Variants in CDK17 observed in about 807,000 individuals in gnomAD.
CDK17 encodes the protein cyclin dependent kinase 17.
CDK17 carries 24 observed loss-of-function variants against 77.6 expected under a neutral mutation model. That is an observed-to-expected ratio of 0.31 (90% CI 0.22 to 0.44). CDK17 has a LOEUF of 0.44. Among genes scored for constraint, CDK17 ranks in the 20% least tolerant of loss-of-function variants. The pLI is 1.00. For synonymous variants in CDK17, 203 were observed against 210.4 expected (o/e 0.96, Z 0.30); for missense variants, 429 against 622.5 (o/e 0.69, Z 3.31).
chr12:96,297,614 A>C lies in CDK17; in HGVS notation c.810+13T>G, dbSNP rs1236452698. On this transcript the variant is annotated intron_variant, in intron 8 of 16. Transcript: ENST00000261211. ...AAGTAAAGTTAAATACTGAATTTTT[A>C]TGAGATGCTTACCAGATACTCAAAC... 4 of 1,471,882 alleles carry C rather than the reference A, an allele frequency of 2.7e-6. No homozygotes were observed. In the East Asian group the frequency reaches 6.8e-5, roughly 25 times the overall value. The allele number at this position is 1,471,882 out of a possible 1,614,324, so 91.2% of individuals were successfully genotyped here. A position where few individuals can be genotyped will look rare whatever the true frequency, so the allele number is the denominator to read the frequency against.
intron 1 of CDK17, among the ~76,000 whole-genome samples, chr12:96,364,029 T>A (rs192368088): frequency 6.6e-6 from 1 of 152,256 alleles, no homozygotes. Flanking sequence ...TGTACTCTTA[T>A]ACACGTAACT....
At chr12:96,291,442 C>A (rs956054899) in intron 10 of CDK17, among the ~76,000 whole-genome samples, 1 of 152,006 alleles carries the variant, frequency 6.6e-6, no homozygotes, top group African/African-American at 2.4e-5. Flanking sequence ...GAGGTGCACA[C>A]CGCCACACCT....
chr12:96,398,020 C>A (rs534375095), intron 1 of CDK17, among the ~76,000 whole-genome samples: 1 of 152,110 alleles, frequency 6.6e-6, no homozygotes, highest in South Asian at 2.1e-4. Context: ...ATTAAACAGG[C>A]TTTGCTTTTA....
chr12:96,316,236 C>T (rs535666501), intron 3 of CDK17, among the ~76,000 whole-genome samples: 49 of 152,286 alleles, frequency 3.2e-4, no homozygotes, highest in Admixed American at 1.8e-3. Flanking sequence ...CCGAATATTG[C>T]GCTTGTCAGA....
At chr12:96,394,442 A>G (rs1954131777) in intron 1 of CDK17, among the ~76,000 whole-genome samples, 1 of 152,218 alleles carries the variant, frequency 6.6e-6, no homozygotes, top group African/African-American at 2.4e-5. Context: ...TTGTTTACAA[A>G]CATGTACACA....
At chr12:96,349,191 C>T (rs531410332) in intron 1 of CDK17, among the ~76,000 whole-genome samples, 4 of 152,300 alleles carry the variant, frequency 2.6e-5, no homozygotes, top group Non-Finnish European at 5.9e-5. Flanking sequence ...CAGTGGCTCA[C>T]GCCCATAATC....
intron 1 of CDK17, among the ~76,000 whole-genome samples, chr12:96,375,379 T>C (rs1391024261): frequency 6.6e-6 from 1 of 151,982 alleles, no homozygotes; most frequent in African/African-American, 2.4e-5. Flanking sequence ...CAGCCACACA[T>C]ACACACACAC....
At chr12:96,299,573 T>C (rs1374981412) in intron 6 of CDK17, among the ~76,000 whole-genome samples, 1 of 152,040 alleles carries the variant, frequency 6.6e-6, no homozygotes, top group East Asian at 1.9e-4. Flanking sequence ...GTGTTTTCAG[T>C]ACAGACGGGG....
intron 1 of CDK17, among the ~76,000 whole-genome samples, chr12:96,343,706 G>C (rs1953157469): frequency 6.6e-6 from 1 of 152,178 alleles, no homozygotes; most frequent in Non-Finnish European, 1.5e-5. Context: ...AGTCACAAAG[G>C]GATGACAACA....
chr12:96,283,667 T>A, intron 13 of CDK17, 22 bp from the exon 14 acceptor site: 1 of 1,532,328 alleles, frequency 6.5e-7, no homozygotes, highest in Non-Finnish European at 9.0e-7. Context: ...AAAGAACAAG[T>A]AAAAATTTAT....
At chr12:96,377,111 G>A (rs956137371) in intron 1 of CDK17, among the ~76,000 whole-genome samples, 2 of 151,994 alleles carry the variant, frequency 1.3e-5, no homozygotes, top group Non-Finnish European at 2.9e-5. Context: ...GAAAGCAAGG[G>A]GTAAGCATTT....
chr12:96,325,665 C>A (rs1179237570), intron 2 of CDK17, among the ~76,000 whole-genome samples: 1 of 152,204 alleles, frequency 6.6e-6, no homozygotes, highest in African/African-American at 2.4e-5. Context: ...GGGCAAATGC[C>A]TACCTAGTAA....
At chr12:96,359,044 A>C (rs1429769657) in intron 1 of CDK17, among the ~76,000 whole-genome samples, 3 of 150,786 alleles carry the variant, frequency 2.0e-5, no homozygotes, top group Non-Finnish European at 4.4e-5. Flanking sequence ...ATTTGATGTC[A>C]TCGGGTATGA....
chr12:96,315,059 A>C (rs1399235095), intron 3 of CDK17, among the ~76,000 whole-genome samples: 1 of 152,242 alleles, frequency 6.6e-6, no homozygotes, highest in Non-Finnish European at 1.5e-5. Flanking sequence ...GAAGGTGCTT[A>C]ACAAGTATTC....
At chr12:96,373,488 G>C (rs775890591) in intron 1 of CDK17, among the ~76,000 whole-genome samples, 8 of 152,162 alleles carry the variant, frequency 5.3e-5, no homozygotes, top group Non-Finnish European at 8.8e-5. Context: ...CAGCTACTAG[G>C]GAGGCTGAGG....
chr12:96,313,038 T>C (rs1234097055), intron 4 of CDK17, among the ~76,000 whole-genome samples: 2 of 152,142 alleles, frequency 1.3e-5, no homozygotes, highest in East Asian at 3.8e-4. Flanking sequence ...AAAATTCACT[T>C]CTCCTTAATG....
intron 1 of CDK17, among the ~76,000 whole-genome samples, chr12:96,362,112 A>G (rs1243481540): frequency 6.6e-6 from 1 of 152,252 alleles, no homozygotes; most frequent in Admixed American, 6.5e-5. Context: ...GAAAGAAAAA[A>G]TGCTGGAAAT....
intron 1 of CDK17, among the ~76,000 whole-genome samples, chr12:96,363,307 T>C (rs958898133): frequency 1.3e-5 from 2 of 151,582 alleles, no homozygotes; most frequent in Non-Finnish European, 2.9e-5. Context: ...AAAAATTAGC[T>C]GGGCATGGTG....
intron 1 of CDK17, among the ~76,000 whole-genome samples, chr12:96,353,457 C>T (rs1953342392): frequency 6.6e-6 from 1 of 152,040 alleles, no homozygotes; most frequent in Admixed American, 6.6e-5. Context: ...TCATCAAGAA[C>T]ATTCTTAAGT....
Sources: allele counts gnomAD v4.1 joint callset (sites outside exome capture counted in the v4.1 genomes callset), GRCh38; gene constraint gnomAD v4.1.1; transcripts MANE v1.5; gene names NCBI Gene and HGNC (gene_info 2026-07-23, HGNC 2026-07-21).